The following XPA variants were observed in gnomAD, a reference collection of about 807,000 sequenced individuals.
XPA encodes the protein XPA, DNA damage recognition and repair factor.
XPA carries 27 observed loss-of-function variants against 35.7 expected under a neutral mutation model. The observed-to-expected ratio is 0.76, with a 90% CI of 0.56 to 1.04. The LOEUF is 1.04. Among genes scored for constraint, XPA ranks in the 50% least tolerant of loss-of-function variants. XPA has a pLI of 0.00. For synonymous variants in XPA, 133 were observed against 118.4 expected, an observed-to-expected ratio of 1.12 and a Z score of -0.80; for missense variants, 354 against 342.7, an observed-to-expected ratio of 1.03 and a Z score of -0.26.
At chr9:97,666,875 C>A in the XPA span, 6 of 1,590,198 alleles carry the variant, frequency 3.8e-6, no homozygotes, top group Non-Finnish European at 5.1e-6. Context: ...GCAACACAAA[C>A]GGGTAAGTTT....
At chr9:97,667,950 C>T in the XPA span, among the ~76,000 whole-genome samples, 1 of 152,128 alleles carries the variant, frequency 6.6e-6, no homozygotes. Context: ...ACCCACGTGT[C>T]TAGAACATAG....
intron 4 of XPA, among the ~76,000 whole-genome samples, 160 bp from the exon 5 acceptor site, chr9:97,685,200 AAAC>A (rs1222146945): frequency 1.3e-5 from 2 of 152,218 alleles, no homozygotes; most frequent in Non-Finnish European, 2.9e-5. Flanking sequence ...TAATGATCAG[AAAC>A]AACTCTAATA....
the XPA span, chr9:97,662,880 GA>G: frequency 8.8e-7 from 1 of 1,130,388 alleles, no homozygotes; most frequent in Non-Finnish European, 1.3e-6. Flanking sequence ...GAGTAACATT[GA>G]AAAGGCTTTG....
intron 5 of XPA, among the ~76,000 whole-genome samples, chr9:97,684,359 G>A (rs1481263638): frequency 6.6e-6 from 1 of 152,200 alleles, no homozygotes; most frequent in South Asian, 2.1e-4. Context: ...TGCATGCAAA[G>A]ACAGATGCAT....
chr9:97,692,890 C>T (rs556497845), intron 2 of XPA, among the ~76,000 whole-genome samples: 1 of 152,204 alleles, frequency 6.6e-6, no homozygotes, highest in African/African-American at 2.4e-5. Context: ...TTGTCTTCCA[C>T]AAAACCAGTC....
the XPA span, among the ~76,000 whole-genome samples, chr9:97,657,105 T>A: frequency 3.3e-5 from 5 of 152,196 alleles, no homozygotes; most frequent in Non-Finnish European, 5.9e-5. Context: ...TAGCTGGGAC[T>A]ACAGGCGCCC....
intron 5 of XPA, among the ~76,000 whole-genome samples, chr9:97,679,220 T>C (rs3176728): frequency 0.024 from 3,665 of 152,280 alleles, 135 homozygotes; most frequent in East Asian, 0.13. Context: ...AGGGTGGTGA[T>C]GTATACAACT....
chr9:97,669,818 C>T, the XPA span: 2 of 757,546 alleles, frequency 2.6e-6, no homozygotes, highest in East Asian at 2.7e-5. Flanking sequence ...CTGTTAGACC[C>T]TTTAGTTCAT....
chr9:97,657,918 ATATATATATTTT>A, the XPA span, among the ~76,000 whole-genome samples: 1 of 103,442 alleles, frequency 9.7e-6, no homozygotes, highest in African/African-American at 5.1e-5. Context: ...ATATATATAT[ATATATATATTTT>A]TTTTTTTTTT....
intron 2 of XPA, among the ~76,000 whole-genome samples, chr9:97,691,601 C>T (rs1446372053): frequency 1.3e-5 from 2 of 152,222 alleles, no homozygotes; most frequent in Admixed American, 6.5e-5. Flanking sequence ...GTAATTCCAG[C>T]TACTCTGGAG....
At chr9:97,656,516 A>T in the XPA span, among the ~76,000 whole-genome samples, 2 of 152,136 alleles carry the variant, frequency 1.3e-5, no homozygotes, top group Non-Finnish European at 2.9e-5. Context: ...GCGCCACTGC[A>T]CTCCAATCTG....
At chr9:97,696,157 C>T (rs1175427811) in intron 1 of XPA, among the ~76,000 whole-genome samples, 2 of 152,174 alleles carry the variant, frequency 1.3e-5, no homozygotes, top group Admixed American at 6.5e-5. Context: ...GACATGCTGC[C>T]AGCCTCAGAC....
the XPA span, among the ~76,000 whole-genome samples, chr9:97,664,046 G>T: frequency 3.9e-5 from 6 of 152,040 alleles, no homozygotes; most frequent in Middle Eastern, 3.4e-3. Flanking sequence ...AGGCATGGTG[G>T]TGCACACCTG....
rs762189569 is a variant in XPA at position 97,675,350 on chromosome 9, G to A, written c.*89C>T. ...GGTTTCATTCATCTATGAAGATGTT[G>A]CTTTTTTTTTTGAATTTTGAAAAGG... On this transcript the variant is annotated 3_prime_UTR_variant, in exon 6 of 6. Transcript: ENST00000375128. The A allele has an allele frequency of 5.4e-6, 7 of 1,297,892 alleles. No individual in the cohort carries two copies. In the South Asian group the frequency reaches 5.5e-5, roughly 10 times the overall value. The allele number at this position is 1,297,892 out of a possible 1,614,324, so 80.4% of individuals were successfully genotyped here.
chr9:97,671,809 A>G (rs1828201367), downstream of XPA: 1 of 152,220 alleles, frequency 6.6e-6, no homozygotes, highest in African/African-American at 2.4e-5. Flanking sequence ...ATTTGTCTTA[A>G]TGTAAATCAC....
the XPA span, chr9:97,669,607 C>T: frequency 6.2e-7 from 1 of 1,609,106 alleles, no homozygotes; most frequent in South Asian, 1.1e-5. Flanking sequence ...TTATCATGAT[C>T]TTGACCGAGC....
intron 5 of XPA, among the ~76,000 whole-genome samples, chr9:97,682,938 T>C (rs1587742385): frequency 6.6e-6 from 1 of 152,220 alleles, no homozygotes; most frequent in East Asian, 1.9e-4. Flanking sequence ...GCCATCATCT[T>C]TCAATCTGTT....
chr9:97,693,520 A>G (rs1324866563), intron 2 of XPA, 129 bp downstream of exon 2: 4 of 814,980 alleles, frequency 4.9e-6, no homozygotes, highest in Non-Finnish European at 7.8e-6. Flanking sequence ...AAACTTTATC[A>G]CTTTTATAAA....
chr9:97,688,729 C>T lies in XPA; in HGVS notation c.389+805G>A, dbSNP rs544046553. Among the ~76,000 whole-genome samples the T allele has an allele frequency of 2.6e-5, 4 of 152,276 alleles. No individual in the cohort carries two copies. In the South Asian group the frequency reaches 8.3e-4, roughly 32 times the overall value. ...ATGTATCTGATCATGAGACCAGGGA[C>T]CACATCTCCCTCTCTATCTACCAAG... On this transcript the variant is annotated intron_variant, in intron 3 of 5. Transcript: ENST00000375128.
Sources: allele counts gnomAD v4.1 joint callset (sites outside exome capture counted in the v4.1 genomes callset), GRCh38; gene constraint gnomAD v4.1.1; transcripts MANE v1.5; gene names NCBI Gene and HGNC (gene_info 2026-07-23, HGNC 2026-07-21).